The following LIPA variants were observed in gnomAD, a reference collection of about 807,000 sequenced individuals.
LIPA encodes lipase A, lysosomal acid type, also known as lysosomal acid lipase/cholesteryl ester hydrolase.
LIPA carries 26 observed loss-of-function variants against 40.6 expected under a neutral mutation model. That is an observed-to-expected ratio of 0.64 (90% confidence interval 0.47 to 0.89). The LOEUF (loss-of-function observed/expected upper bound fraction) is 0.89, where lower values mean the gene tolerates loss of function less well. Ranked by LOEUF, LIPA falls within the 40% of genes least tolerant of loss-of-function variation. LIPA has a pLI of 0.00. For missense variants in LIPA, 455 were observed against 479.6 expected (o/e 0.95, Z 0.48); for synonymous variants, 188 against 168.4 (o/e 1.12, Z -0.90).
At chr10:89,384,462 C>T in intron 2 of LIPA, 3 of 1,614,198 alleles carry the variant, frequency 1.9e-6, no homozygotes, top group Non-Finnish European at 2.5e-6. Context: ...TTCATTACCA[C>T]TACGGCCGTT....
At chr10:89,340,013 T>G (rs146293366) in intron 1 of LIPA, 1 of 1,614,060 alleles carries the variant, frequency 6.2e-7, no homozygotes, top group African/African-American at 1.3e-5. Flanking sequence ...CCTTCAGGCA[T>G]AGGCAGTATT....
intron 1 of LIPA, among the ~76,000 whole-genome samples, chr10:89,326,728 A>T (rs985306419): frequency 3.3e-5 from 5 of 152,316 alleles, no homozygotes; most frequent in Admixed American, 6.5e-5. Flanking sequence ...AAAAATTTTT[A>T]AAAATAATAA....
At chr10:89,410,261 C>T (rs1245389072) in intron 2 of LIPA, among the ~76,000 whole-genome samples, 1 of 152,232 alleles carries the variant, frequency 6.6e-6, no homozygotes, top group East Asian at 1.9e-4. Context: ...AAGTTTATGG[C>T]TATCAGACAA....
At chr10:89,412,674 A>G (rs2102698) in intron 2 of LIPA, 36,087 of 393,250 alleles carry the variant, frequency 0.092, 7,048 homozygotes, top group African/African-American at 0.53. Context: ...AAGTCAGTGA[A>G]ACCACGAACC....
At chr10:89,273,584 T>C (rs1843276242) in intron 1 of LIPA, among the ~76,000 whole-genome samples, 1 of 152,134 alleles carries the variant, frequency 6.6e-6, no homozygotes, top group Non-Finnish European at 1.5e-5. Flanking sequence ...GAGAAAAATA[T>C]TGTGAATTGG....
rs1262204549 is a variant in LIPA at position 89,414,548 on chromosome 10, G to C, written c.-213C>G. The C allele has an allele frequency of 1.3e-5, 6 of 451,964 alleles. No homozygotes were observed. In the East Asian group the frequency reaches 2.2e-4, roughly 17 times the overall value. The allele number at this position is 451,964 out of a possible 1,614,324, so 28.0% of individuals were successfully genotyped here. On this transcript the variant is annotated 5_prime_UTR_variant, in exon 1 of 9. Coordinates refer to the LIPA transcript ENST00000371837. ...TTTCGGTTTCTGAAGCTTACGTTTA[G>C]TTTCGATTTCTTAAGTTTCAGTTTC...
chr10:89,336,329 G>A (rs1329545823), intron 1 of LIPA, among the ~76,000 whole-genome samples: 2 of 152,160 alleles, frequency 1.3e-5, no homozygotes, highest in African/African-American at 2.4e-5. Flanking sequence ...GAAAAGGACT[G>A]TCCCCAAATC....
intron 1 of LIPA, among the ~76,000 whole-genome samples, chr10:89,288,353 T>C (rs1843352813): frequency 6.6e-6 from 1 of 152,152 alleles, no homozygotes; most frequent in African/African-American, 2.4e-5. Flanking sequence ...CTAAATCCTT[T>C]TGCCACTCCT....
intron 2 of LIPA, among the ~76,000 whole-genome samples, chr10:89,369,467 G>C (rs890307301): frequency 6.6e-6 from 1 of 151,470 alleles, no homozygotes; most frequent in African/African-American, 2.4e-5. Flanking sequence ...GCAGTGAGCA[G>C]CCAAGAAGCG....
chr10:89,339,056 A>G, intron 1 of LIPA: 1 of 1,614,146 alleles, frequency 6.2e-7, no homozygotes, highest in South Asian at 1.1e-5. Context: ...TACAGTATTG[A>G]GTATTCTGAA....
rs576231883 is a variant in LIPA, at chr10:89,242,070, A to C, written c.229+3606T>G. Among the ~76,000 whole-genome samples, 15 of 152,288 alleles carry C rather than the reference A, an allele frequency of 9.8e-5. No homozygotes were observed. In the South Asian group the frequency reaches 2.7e-3, roughly 27 times the overall value. ...ACCAGTGAAGTGTGTTTAAAAAAAA[A>C]CAAAAATCCCTAGCCCAGGCAGGAA... On this transcript the variant is annotated intron_variant, in intron 3 of 9. Coordinates refer to ENST00000336233, the MANE Select transcript of LIPA (RefSeq NM_000235.4).
Position 89,338,700 on chromosome 10 carries a change from G to A in LIPA, c.-2+3911C>T, listed in dbSNP as rs756759138. ...ATTCCCTGGAGAAAATCCTTCCACAGCTGAAATGCCATTTCACCTGGAACT... is the reference window on the plus strand; with the variant it reads ...ATTCCCTGGAGAAAATCCTTCCACAACTGAAATGCCATTTCACCTGGAACT... On this transcript the variant is annotated intron_variant, in intron 1 of 5. Transcript: ENST00000282673. 8 of 1,613,668 alleles carry A rather than the reference G, an allele frequency of 5.0e-6. 1 individual carries two copies. In the Middle Eastern group the frequency reaches 6.6e-4, roughly 133 times the overall value.
At chr10:89,215,799 A>G in intron 9 of LIPA, 139 bp downstream of exon 9, 1 of 762,324 alleles carries the variant, frequency 1.3e-6, no homozygotes, top group South Asian at 1.4e-5. Context: ...TTCTGAATGG[A>G]CTGATGGAAA....
intron 1 of LIPA, among the ~76,000 whole-genome samples, chr10:89,289,531 T>G (rs1255993829): frequency 6.6e-6 from 1 of 152,164 alleles, no homozygotes; most frequent in Non-Finnish European, 1.5e-5. Flanking sequence ...GTAGAGGCCT[T>G]TCCCACAGGG....
chr10:89,390,215 A>G (rs1158908871), intron 2 of LIPA, among the ~76,000 whole-genome samples: 1 of 151,794 alleles, frequency 6.6e-6, no homozygotes, highest in Non-Finnish European at 1.5e-5. Flanking sequence ...CGAACTCCCA[A>G]CCTCAGGTGA....
chr10:89,340,200 G>A, intron 1 of LIPA: 1 of 1,482,318 alleles, frequency 6.7e-7, no homozygotes, highest in East Asian at 2.3e-5. Flanking sequence ...AGGAAGACAG[G>A]GGGCCCCAAC....
intron 8 of LIPA, among the ~76,000 whole-genome samples, chr10:89,221,487 CT>C (rs1385206065): frequency 6.6e-6 from 1 of 152,106 alleles, no homozygotes; most frequent in Non-Finnish European, 1.5e-5. Context: ...ACTCTCATTA[CT>C]TTTTTAATGC....
intron 3 of LIPA, among the ~76,000 whole-genome samples, chr10:89,243,286 A>T (rs1394116247): frequency 6.6e-6 from 1 of 152,244 alleles, no homozygotes; most frequent in Non-Finnish European, 1.5e-5. Context: ...GAAAGCGCCT[A>T]TGCAGTTCTT....
intron 1 of LIPA, among the ~76,000 whole-genome samples, chr10:89,250,201 G>C (rs1589576116): frequency 1.3e-5 from 2 of 149,976 alleles, no homozygotes; most frequent in East Asian, 3.9e-4. Context: ...CTGGGTTCAG[G>C]CCATTCTCCC....
Sources: allele counts gnomAD v4.1 joint callset (sites outside exome capture counted in the v4.1 genomes callset), GRCh38; gene constraint gnomAD v4.1.1; transcripts MANE v1.5; gene names NCBI Gene and HGNC (gene_info 2026-07-23, HGNC 2026-07-21).